Variants in CPE observed in about 807,000 individuals in gnomAD.
CPE encodes carboxypeptidase E.
CPE carries 17 observed loss-of-function variants against 53.5 expected under a neutral mutation model. The observed-to-expected ratio is 0.32, with a 90% confidence interval of 0.22 to 0.48. CPE has a LOEUF of 0.48. Among genes scored for constraint, CPE ranks in the 20% least tolerant of loss-of-function variants. The pLI is 0.99. For synonymous variants in CPE, 226 were observed against 228.8 expected, an observed-to-expected ratio of 0.99 and a Z score of 0.11; for missense variants, 524 against 614.7, an observed-to-expected ratio of 0.85 and a Z score of 1.56.
At chr4:165,447,040 C>T (rs983718054) in intron 1 of CPE, among the ~76,000 whole-genome samples, 1 of 152,142 alleles carries the variant, frequency 6.6e-6, no homozygotes, top group Non-Finnish European at 1.5e-5. Flanking sequence ...CTGTACTGAA[C>T]ACTGTCATAC....
At chr4:165,409,134 G>T (rs1047299888) in intron 1 of CPE, among the ~76,000 whole-genome samples, 1 of 152,160 alleles carries the variant, frequency 6.6e-6, no homozygotes, top group Non-Finnish European at 1.5e-5. Context: ...AATGGTTGAC[G>T]TGGGAAATGC....
rs1323804888 is a variant in CPE, at chr4:165,455,684, G to A, written c.308-8706G>A. 8.7e-5 allele frequency among the ~76,000 whole-genome samples: 13 copies of A among 148,940 alleles called. No individual in the cohort carries two copies. In the South Asian group the frequency reaches 2.5e-3, roughly 29 times the overall value. ...TTTTTTTTTTTTGAGACAGAGTCTTGCACTGTTGCCCAGGATAGAGTGCAG... is the reference window on the plus strand; with the variant it reads ...TTTTTTTTTTTTGAGACAGAGTCTTACACTGTTGCCCAGGATAGAGTGCAG... On this transcript the variant is annotated intron_variant, in intron 1 of 8. Transcript: ENST00000402744.
intron 1 of CPE, among the ~76,000 whole-genome samples, chr4:165,447,677 AT>A (rs1272934372): frequency 1.3e-5 from 2 of 152,080 alleles, no homozygotes; most frequent in Non-Finnish European, 2.9e-5. Context: ...TAAATTTAAA[AT>A]TTTTTGACTC....
chr4:165,409,392 C>T (rs1430339408), intron 1 of CPE, among the ~76,000 whole-genome samples: 1 of 152,042 alleles, frequency 6.6e-6, no homozygotes, highest in East Asian at 1.9e-4. Flanking sequence ...TTAGTAGAGA[C>T]AGGGTTTCGC....
chr4:165,420,083 T>G (rs1482873678), intron 1 of CPE, among the ~76,000 whole-genome samples: 1 of 152,202 alleles, frequency 6.6e-6, no homozygotes, highest in Non-Finnish European at 1.5e-5. Flanking sequence ...GTGACTGTCT[T>G]AATATCTCAA....
At chr4:165,387,080 A>C (rs1403937372) in intron 1 of CPE, among the ~76,000 whole-genome samples, 1 of 152,160 alleles carries the variant, frequency 6.6e-6, no homozygotes, top group Admixed American at 6.5e-5. Flanking sequence ...TTCTTTGAAC[A>C]TTCAGGATAT....
chr4:165,472,861 C>G (rs1399760603), intron 3 of CPE, among the ~76,000 whole-genome samples: 1 of 152,312 alleles, frequency 6.6e-6, no homozygotes, highest in Non-Finnish European at 1.5e-5. Flanking sequence ...CCAGTAGTCT[C>G]AAGAACATGT....
intron 1 of CPE, among the ~76,000 whole-genome samples, chr4:165,412,323 A>G (rs971600502): frequency 1.3e-5 from 2 of 152,170 alleles, no homozygotes; most frequent in African/African-American, 4.8e-5. Context: ...TATCTTTTTT[A>G]AGTTATGCTG....
intron 3 of CPE, among the ~76,000 whole-genome samples, chr4:165,469,141 G>A (rs1732156324): frequency 6.6e-6 from 1 of 152,168 alleles, no homozygotes. Context: ...TCAGGGCTAG[G>A]TGGACACATT....
At chr4:165,485,766 C>T (rs563746039) in intron 5 of CPE, among the ~76,000 whole-genome samples, 15 of 152,258 alleles carry the variant, frequency 9.9e-5, no homozygotes, top group South Asian at 2.1e-4. Flanking sequence ...GATTACGTCT[C>T]GCTTAACTAA....
At chr4:165,445,373 C>T (rs567708207) in intron 1 of CPE, among the ~76,000 whole-genome samples, 25 of 151,038 alleles carry the variant, frequency 1.7e-4, no homozygotes, top group Non-Finnish European at 2.9e-4. Context: ...TCCTTCATAC[C>T]GCATATTTAA....
chr4:165,453,296 T>G (rs948096461), intron 1 of CPE, among the ~76,000 whole-genome samples: 1 of 151,802 alleles, frequency 6.6e-6, no homozygotes, highest in Admixed American at 6.6e-5. Context: ...TCTTTCCTTC[T>G]TTTTCTTTCT....
At position 165,482,263 on chromosome 4, in the gene CPE, G is replaced by A; in HGVS notation, c.694G>A (p.Val232Ile). ...NTKLAPETKA[V>I]IHWIMDIPFV... ...ACAGCTTGCTCCTGAGACCAAGGCTGTCATTCATTGGATTATGGATATTCC... is the reference window on the plus strand; with the variant it reads ...ACAGCTTGCTCCTGAGACCAAGGCTATCATTCATTGGATTATGGATATTCC... Residue 232 changes from valine to isoleucine, a missense_variant, in exon 4 of 9, where the codon GTC (valine) becomes ATC (isoleucine). Transcript: ENST00000402744. 1 of 1,613,380 alleles carries A rather than the reference G, an allele frequency of 6.2e-7. No individual in the cohort carries two copies.
chr4:165,404,493 T>C (rs1730921627), intron 1 of CPE: 2 of 791,336 alleles, frequency 2.5e-6, no homozygotes, highest in East Asian at 4.9e-5. Context: ...TTGGACACCA[T>C]CTATGTCAGT....
intron 5 of CPE, among the ~76,000 whole-genome samples, chr4:165,486,985 T>G (rs1428762160): frequency 6.6e-6 from 1 of 152,176 alleles, no homozygotes; most frequent in East Asian, 1.9e-4. Flanking sequence ...TCCCAATCCC[T>G]CAGGAATACA....
In CPE at chr4:165,399,299, A is replaced by G. The variant is rs927502881; in HGVS notation, c.307+19771A>G. 2.6e-5 allele frequency among the ~76,000 whole-genome samples: 4 copies of G among 152,384 alleles called. No homozygotes were observed. In the South Asian group the frequency reaches 8.3e-4, roughly 32 times the overall value. On this transcript the variant is annotated intron_variant, in intron 1 of 8. Transcript: ENST00000402744. ...TAAGATGTATTAAGATGTCAAATGC[A>G]TCTATTCTACTAATTATAACTGTTG... is the stretch of plus-strand genomic sequence containing the variant.
At chr4:165,435,945 T>C (rs1731494749) in intron 1 of CPE, among the ~76,000 whole-genome samples, 1 of 152,156 alleles carries the variant, frequency 6.6e-6, no homozygotes, top group Non-Finnish European at 1.5e-5. Context: ...CTTTCCTTCA[T>C]AGAACACTTT....
At chr4:165,460,402 TGTG>T (rs1350284400) in intron 1 of CPE, among the ~76,000 whole-genome samples, 2 of 152,200 alleles carry the variant, frequency 1.3e-5, no homozygotes, top group South Asian at 2.1e-4. Flanking sequence ...GGAGAGGTTT[TGTG>T]GTGACTATGG....
intron 1 of CPE, among the ~76,000 whole-genome samples, chr4:165,430,231 C>T (rs1731386140): frequency 6.6e-6 from 1 of 152,152 alleles, no homozygotes; most frequent in East Asian, 1.9e-4. Context: ...TATGTTGACT[C>T]AATTTTTGGA....
Sources: gnomAD v4.1 joint callset for allele counts (sites outside exome capture counted in the v4.1 genomes callset) on GRCh38, gnomAD v4.1.1 for gene constraint, MANE v1.5 for transcripts, NCBI Gene and HGNC (gene_info 2026-07-23, HGNC 2026-07-21) for gene names.